RGS8: variants seen among roughly 807,000 people sequenced by gnomAD.
The protein encoded by RGS8 is regulator of G protein signaling 8.
A neutral mutation model predicts 21.7 loss-of-function variants in RGS8; 8 were observed. The observed-to-expected ratio is 0.37, with a 90% CI of 0.22 to 0.66. The LOEUF (loss-of-function observed/expected upper bound fraction) is 0.66, where lower values mean the gene tolerates loss of function less well. Ranked by LOEUF, RGS8 falls within the 30% of genes least tolerant of loss-of-function variation. The pLI is 0.59. For synonymous variants in RGS8, 80 were observed against 83.6 expected (o/e 0.96, Z 0.24); for missense variants, 157 against 217.9 (o/e 0.72, Z 1.76).
the RGS8 span, among the ~76,000 whole-genome samples, chr1:182,746,608 C>T: frequency 2.6e-5 from 4 of 151,336 alleles, no homozygotes; most frequent in South Asian, 2.1e-4. Context: ...GTGGAGATCG[C>T]GCCACTGCAC....
the RGS8 span, among the ~76,000 whole-genome samples, chr1:182,720,982 TAC>T: frequency 9.2e-3 from 570 of 62,128 alleles, 12 homozygotes; most frequent in African/African-American, 0.039. Context: ...TATACATATA[TAC>T]ACATATATAT....
At chr1:182,657,979 A>C (rs1663368695) in intron 5 of RGS8, among the ~76,000 whole-genome samples, 1 of 152,210 alleles carries the variant, frequency 6.6e-6, no homozygotes. Flanking sequence ...CTGTTTTGTC[A>C]TTTCATTTTT....
downstream of RGS8, chr1:182,645,270 A>T (rs965731065): frequency 6.6e-5 from 10 of 152,118 alleles, no homozygotes; most frequent in African/African-American, 2.2e-4. Context: ...TCTGCAATGA[A>T]TCCAAATCCA....
chr1:182,747,735 C>T, the RGS8 span, among the ~76,000 whole-genome samples: 2 of 151,982 alleles, frequency 1.3e-5, no homozygotes, highest in African/African-American at 4.8e-5. Context: ...CTTGGCCAGG[C>T]GCATTGGCTC....
At chr1:182,653,876 G>A (rs2023596) in intron 5 of RGS8, among the ~76,000 whole-genome samples, 103,718 of 152,028 alleles carry the variant, frequency 0.68, 35,998 homozygotes, top group Non-Finnish European at 0.75. Context: ...ATGTATGAAT[G>A]CAGGAAAGTT....
At chr1:182,701,716 T>C in the RGS8 span, among the ~76,000 whole-genome samples, 1 of 152,312 alleles carries the variant, frequency 6.6e-6, no homozygotes, top group East Asian at 1.9e-4. Context: ...AAAGGAATCC[T>C]TCTTAGTGGC....
the RGS8 span, among the ~76,000 whole-genome samples, chr1:182,731,599 T>G: frequency 6.6e-6 from 1 of 152,230 alleles, no homozygotes; most frequent in African/African-American, 2.4e-5. Context: ...ATCACATTAC[T>G]TGGTCTCAAC....
chr1:182,672,767 G>A (rs1664225504), upstream of RGS8: 1 of 1,606,396 alleles, frequency 6.2e-7, no homozygotes, highest in Non-Finnish European at 8.5e-7. Flanking sequence ...ATCTGCACAT[G>A]ATCCCTATTT....
chr1:182,670,050 C>G (rs1009115512), intron 2 of RGS8, among the ~76,000 whole-genome samples: 2 of 152,232 alleles, frequency 1.3e-5, no homozygotes, highest in South Asian at 4.1e-4. Context: ...CCAAAAATTA[C>G]TGCTCTCTTT....
the RGS8 span, among the ~76,000 whole-genome samples, chr1:182,740,531 GTTTTTT>G: frequency 1.2e-5 from 1 of 84,430 alleles, no homozygotes; most frequent in African/African-American, 4.4e-5. Flanking sequence ...AACTCATGTT[GTTTTTT>G]TTGTTTGTTT....
chr1:182,677,717 C>T (rs923270878), upstream of RGS8, among the ~76,000 whole-genome samples: 2 of 152,168 alleles, frequency 1.3e-5, no homozygotes, highest in Non-Finnish European at 2.9e-5. Context: ...TTTCCTCTTG[C>T]CAGCCTCTTT....
chr1:182,708,790 C>G, the RGS8 span, among the ~76,000 whole-genome samples: 2 of 152,210 alleles, frequency 1.3e-5, no homozygotes, highest in East Asian at 3.9e-4. Context: ...ACTGTTGTGT[C>G]AGCAGGAAGC....
chr1:182,747,909 T>G, the RGS8 span, among the ~76,000 whole-genome samples: 2 of 152,308 alleles, frequency 1.3e-5, no homozygotes, highest in East Asian at 3.9e-4. Context: ...TTTTCTTTTT[T>G]GTTTTGTCTG....
chr1:182,671,968 C>T, upstream of RGS8: 1 of 1,340,070 alleles, frequency 7.5e-7, no homozygotes, highest in African/African-American at 1.5e-5. Flanking sequence ...CTCCCGGGCA[C>T]AGTCTGCACG....
intron 3 of RGS8, among the ~76,000 whole-genome samples, chr1:182,668,397 C>T (rs1663980165): frequency 6.6e-6 from 1 of 152,218 alleles, no homozygotes; most frequent in Non-Finnish European, 1.5e-5. Context: ...TTCTGGCTAG[C>T]TTTCTTTCCT....
the RGS8 span, among the ~76,000 whole-genome samples, chr1:182,740,531 GTTTTTTTTGTTTGTTTGTTT>G: frequency 1.2e-5 from 1 of 84,432 alleles, no homozygotes; most frequent in Non-Finnish European, 2.5e-5. Flanking sequence ...AACTCATGTT[GTTTTTTTTGTTTGTTTGTTT>G]TTTTTTTTTT....
the RGS8 span, among the ~76,000 whole-genome samples, chr1:182,700,883 A>G: frequency 3.8e-4 from 58 of 152,364 alleles, 4 homozygotes; most frequent in East Asian, 0.011. Context: ...TAATTATTTA[A>G]GGATTCATCA....
chr1:182,695,213 G>A, the RGS8 span, among the ~76,000 whole-genome samples: 2 of 152,146 alleles, frequency 1.3e-5, no homozygotes, highest in African/African-American at 2.4e-5. Flanking sequence ...CTGCTAAAGC[G>A]GTTAGTCTTT....
chr1:182,649,418 C>G (rs985827413), intron 5 of RGS8, among the ~76,000 whole-genome samples: 9 of 152,114 alleles, frequency 5.9e-5, no homozygotes, highest in African/African-American at 9.7e-5. Context: ...GGTTGCAAGC[C>G]TCTTTTAAAA....
Sources: gnomAD v4.1 joint callset for allele counts (sites outside exome capture counted in the v4.1 genomes callset) on GRCh38, gnomAD v4.1.1 for gene constraint, MANE v1.5 for transcripts, NCBI Gene and HGNC (gene_info 2026-07-23, HGNC 2026-07-21) for gene names.